Variants in CDH1 observed in about 807,000 individuals in gnomAD.
CDH1 encodes cadherin-1.
Under a neutral mutation model 84.5 loss-of-function variants are expected in CDH1, and 35 were observed. That is an observed-to-expected ratio of 0.41 (90% CI 0.32 to 0.55). The LOEUF (loss-of-function observed/expected upper bound fraction) is 0.55, where lower values mean the gene tolerates loss of function less well. CDH1 is among the 20% of genes least tolerant of loss of function. CDH1 has a pLI of 0.19. For missense variants in CDH1, 994 were observed against 1,126.6 expected, an observed-to-expected ratio of 0.88 and a Z score of 1.68; for synonymous variants, 417 against 439.0, an observed-to-expected ratio of 0.95 and a Z score of 0.63.
At chr16:68,757,245 T>C (rs1324500040) in intron 2 of CDH1, among the ~76,000 whole-genome samples, 4 of 151,968 alleles carry the variant, frequency 2.6e-5, no homozygotes, top group Non-Finnish European at 5.9e-5. Context: ...AGCGCCACCA[T>C]GCCCGGCTAA....
intron 2 of CDH1, chr16:68,763,367 A>G (rs1673967195): frequency 6.6e-6 from 1 of 152,298 alleles, no homozygotes; most frequent in African/African-American, 2.4e-5. Context: ...AGCTGGGAAA[A>G]TGGGACAGGA....
At chr16:68,743,236 T>C (rs1311117170) in intron 2 of CDH1, among the ~76,000 whole-genome samples, 3 of 152,188 alleles carry the variant, frequency 2.0e-5, no homozygotes, top group Non-Finnish European at 4.4e-5. Context: ...GCCCAAACCC[T>C]AAAATCCCCG....
At chr16:68,805,472 C>T (rs1331847289) in intron 3 of CDH1, among the ~76,000 whole-genome samples, 2 of 152,164 alleles carry the variant, frequency 1.3e-5, no homozygotes, top group Non-Finnish European at 2.9e-5. Context: ...GTCCTGGTGT[C>T]AGCAAGGCAT....
intron 2 of CDH1, among the ~76,000 whole-genome samples, chr16:68,784,502 A>T (rs1959985904): frequency 6.6e-6 from 1 of 151,374 alleles, no homozygotes; most frequent in Admixed American, 6.6e-5. Context: ...GCCCACATGG[A>T]CCCCTCCCTC....
chr16:68,798,069 ACTC>A (rs1960410294), intron 2 of CDH1, among the ~76,000 whole-genome samples: 1 of 144,240 alleles, frequency 6.9e-6, no homozygotes, highest in African/African-American at 2.5e-5. Flanking sequence ...ACAGAGTGAC[ACTC>A]TGTCTCAAAA....
chr16:68,779,791 G>A (rs144839709), intron 2 of CDH1, among the ~76,000 whole-genome samples: 10,237 of 152,170 alleles, frequency 0.067, 847 homozygotes, highest in African/African-American at 0.2. Context: ...AGGTGGAGGT[G>A]ACAGTGAGCC....
intron 2 of CDH1, among the ~76,000 whole-genome samples, chr16:68,740,186 A>G (rs1962526588): frequency 6.6e-6 from 1 of 152,054 alleles, no homozygotes; most frequent in African/African-American, 2.4e-5. Flanking sequence ...TTTAAGAGAA[A>G]TCACCCACAA....
At chr16:68,804,774 T>G (rs976461735) in intron 3 of CDH1, among the ~76,000 whole-genome samples, 2 of 151,810 alleles carry the variant, frequency 1.3e-5, no homozygotes, top group South Asian at 4.2e-4. Context: ...TCATTATATA[T>G]TGATTAATTT....
intron 15 of CDH1, among the ~76,000 whole-genome samples, chr16:68,831,228 G>A (rs1211406612): frequency 1.3e-5 from 2 of 149,334 alleles, no homozygotes; most frequent in East Asian, 2.0e-4. Context: ...ACAGGCACCT[G>A]CCATCAAGCC....
At chr16:68,775,408 C>T (rs1959702942) in intron 2 of CDH1, among the ~76,000 whole-genome samples, 1 of 152,156 alleles carries the variant, frequency 6.6e-6, no homozygotes, top group African/African-American at 2.4e-5. Flanking sequence ...TTATTACAAA[C>T]TCTCACATGC....
At chr16:68,763,766 A>G (rs983861626) in intron 2 of CDH1, among the ~76,000 whole-genome samples, 2 of 152,244 alleles carry the variant, frequency 1.3e-5, no homozygotes, top group Non-Finnish European at 2.9e-5. Context: ...CCAAGGAAAC[A>G]GTTCTCTGTC....
intron 2 of CDH1, among the ~76,000 whole-genome samples, chr16:68,799,563 G>C (rs1455833240): frequency 6.6e-6 from 1 of 152,044 alleles, no homozygotes; most frequent in Non-Finnish European, 1.5e-5. Flanking sequence ...TCAGCCCAGG[G>C]GATCAGGTTG....
intron 2 of CDH1, among the ~76,000 whole-genome samples, chr16:68,792,787 T>A (rs1960243661): frequency 6.6e-6 from 1 of 152,214 alleles, no homozygotes; most frequent in Non-Finnish European, 1.5e-5. Flanking sequence ...TAAAGGGTCC[T>A]GGGCTAATTT....
intron 5 of CDH1, 133 bp downstream of exon 5, chr16:68,808,981 G>A: frequency 2.4e-6 from 2 of 818,414 alleles, no homozygotes; most frequent in South Asian, 1.5e-5. Context: ...TTGACCTGTT[G>A]CTAAGGAGAA....
At chr16:68,811,922 A>AGT (rs1163976250) in intron 7 of CDH1, 63 bp downstream of exon 7, 14 of 1,576,788 alleles carry the variant, frequency 8.9e-6, no homozygotes, top group Non-Finnish European at 1.2e-5. Context: ...AATCCCGTGG[A>AGT]CAAAGCAAAA....
chr16:68,821,042 T>C (rs1431385399), intron 11 of CDH1, among the ~76,000 whole-genome samples: 3 of 152,182 alleles, frequency 2.0e-5, no homozygotes, highest in African/African-American at 7.2e-5. Flanking sequence ...GACATATCTA[T>C]TTATAGGTTT....
intron 13 of CDH1, among the ~76,000 whole-genome samples, chr16:68,824,035 T>C (rs1182420458): frequency 6.8e-6 from 1 of 147,654 alleles, no homozygotes; most frequent in African/African-American, 2.6e-5. Context: ...TTCGCTCTTG[T>C]TGCCGAGGCT....
intron 2 of CDH1, among the ~76,000 whole-genome samples, chr16:68,799,350 C>T (rs1468481041): frequency 2.6e-5 from 4 of 152,066 alleles, no homozygotes; most frequent in African/African-American, 9.7e-5. Context: ...ATTTTTTAAA[C>T]AAACTGGGAG....
At chr16:68,807,170 A>C (rs1020419246) in intron 3 of CDH1, among the ~76,000 whole-genome samples, 1 of 152,240 alleles carries the variant, frequency 6.6e-6, no homozygotes, top group Admixed American at 6.5e-5. Flanking sequence ...TCTTTATTGC[A>C]TATGAAAACT....
Sources: allele counts gnomAD v4.1 joint callset (sites outside exome capture counted in the v4.1 genomes callset), GRCh38; gene constraint gnomAD v4.1.1; transcripts MANE v1.5; gene names NCBI Gene and HGNC (gene_info 2026-07-23, HGNC 2026-07-21).